Variants in CLCN7 observed in about 807,000 individuals in gnomAD.
The protein encoded by CLCN7 is Cl-/H+ antiporter 7, also known as H(+)/Cl(-) exchange transporter 7.
CLCN7 carries 60 observed loss-of-function variants against 102.1 expected under a neutral mutation model. The ratio of observed to expected loss-of-function variants is 0.59; its 90% CI spans 0.48 to 0.73. The LOEUF is 0.73. Ranked by LOEUF, CLCN7 falls within the 30% of genes least tolerant of loss-of-function variation. The pLI is 0.00. For missense variants in CLCN7, 962 were observed against 1,125.7 expected, an observed-to-expected ratio of 0.85 and a Z score of 2.08; for synonymous variants, 560 against 490.5, an observed-to-expected ratio of 1.14 and a Z score of -1.87.
At chr16:1,447,222 C>A in intron 23 of CLCN7, 136 bp from the exon 24 acceptor site, 1 of 1,154,382 alleles carries the variant, frequency 8.7e-7, no homozygotes, top group Non-Finnish European at 1.2e-6. Context: ...TGGCCAGCCC[C>A]CTCAGCCCCT....
At chr16:1,474,807 C>T in intron 1 of CLCN7, 27 bp downstream of exon 1, 2 of 1,302,316 alleles carry the variant, frequency 1.5e-6, no homozygotes, top group Non-Finnish European at 2.0e-6. Context: ...GGCTCAGTTT[C>T]CCCGCCTGCG....
chr16:1,450,396 C>G, intron 17 of CLCN7, 101 bp downstream of exon 17: 2 of 1,125,736 alleles, frequency 1.8e-6, no homozygotes, highest in Middle Eastern at 2.9e-4. Flanking sequence ...ACGTGAGGTG[C>G]GACACTTTTG....
intron 5 of CLCN7, 44 bp downstream of exon 5, chr16:1,460,772 C>CACG (rs1207222590): frequency 6.2e-7 from 1 of 1,613,424 alleles, no homozygotes; most frequent in Non-Finnish European, 8.5e-7. Flanking sequence ...CGGCCCAGGC[C>CACG]ACGCCCCCCT....
Position 1,452,869 on chromosome 16 carries a change from C to T in CLCN7, c.1239G>A (p.Gln413=), listed in dbSNP as rs1260741524. 2.5e-6 allele frequency: 4 copies of T among 1,576,418 alleles called. No homozygotes were observed. The highest frequency in any genetic ancestry group is 3.4e-6 in the Non-Finnish European group (4 of 1,161,220). The stretch of plus-strand genomic sequence containing the variant: ...CGGCCACCAGCACGGCCTCAATCAC[C>T]TGCAGGCAGGGCCGGTGGATGTACC... ...RIRYIHRPCL[Q]VIEAVLVAAV... The change falls in exon 15 of 25, where the codon CAG becomes CAA. Residue 413 remains glutamine (Q), a synonymous_variant. Transcript: ENST00000382745.
chr16:1,468,713 G>A (rs2039037649), intron 1 of CLCN7, among the ~76,000 whole-genome samples: 1 of 151,960 alleles, frequency 6.6e-6, no homozygotes. Flanking sequence ...TAGAAAGATG[G>A]GTCTGAAAAT....
intron 1 of CLCN7, 144 bp from the exon 2 acceptor site, chr16:1,465,482 G>A: frequency 5.3e-6 from 4 of 750,894 alleles, no homozygotes; most frequent in South Asian, 4.5e-5. Flanking sequence ...CCTGCTGGGT[G>A]GGGGCAGCAG....
rs2038814440 is a variant in CLCN7, at chr16:1,455,134, C to T, written c.1098G>A (p.Glu366=). The stretch of plus-strand genomic sequence containing the variant: ...CGAGGTGGGCGATGGGGCAGGTTAC[C>T]TCCGAGTCAAACCTTCCGAAGTTGA... ...GLINFGRFDS[E]KMAYTIHEIP... is the part of the protein sequence containing the mutation. The change falls in exon 12 of 25, where the codon GAG becomes GAA. Residue 366 remains glutamate, a splice_region_variant and synonymous_variant. Transcript: ENST00000382745. The T allele has an allele frequency of 1.3e-6, 2 of 1,585,044 alleles. No homozygotes were observed. The highest frequency in any genetic ancestry group is 1.7e-6 in the Non-Finnish European group (2 of 1,153,598).
At chr16:1,448,831 C>A (rs1042555528) in intron 19 of CLCN7, 65 bp from the exon 20 acceptor site, 4 of 1,597,768 alleles carry the variant, frequency 2.5e-6, no homozygotes, top group Non-Finnish European at 3.4e-6. Flanking sequence ...CCCGAGCCTA[C>A]CCCTGGGAGC....
rs1231308424 is a variant in CLCN7, at chr16:1,463,903, T to C, written c.213+1364A>G. On this transcript the variant is annotated intron_variant, in intron 2 of 24. Transcript: ENST00000382745. ...GATCCTCCAACCTCAGCCTCCCAAG[T>C]AGCTGGGACTACTGGTGCCTATCAC... Among the ~76,000 whole-genome samples the C allele has an allele frequency of 2.6e-5, 4 of 152,122 alleles. No individual in the cohort carries two copies. The East Asian group carries it at 5.8e-4, about 22-fold the overall frequency.
intron 2 of CLCN7, among the ~76,000 whole-genome samples, chr16:1,464,756 C>T (rs373424669): frequency 3.5e-4 from 53 of 152,192 alleles, no homozygotes; most frequent in Admixed American, 3.1e-3. Context: ...GATGAGTGAA[C>T]GGCCAGCGGC....
At position 1,450,566 on chromosome 16, in the gene CLCN7, C is replaced by G; in HGVS notation, c.1548G>C (p.Pro516=). The part of the protein sequence containing the change: ...GLTVSAGVFI[P]SLLIGAAWGR... ...CCCAGGCAGCCCCGATGAGCAGGGA[C>G]GGGATGAAGACCCCGGCAGACACCG... Residue 516 remains proline, a synonymous_variant, in exon 17 of 25, where the codon CCG becomes CCC. Coordinates refer to ENST00000382745, the MANE Select transcript of CLCN7 (RefSeq NM_001287.6). The G allele has an allele frequency of 6.2e-7, 1 of 1,612,108 alleles. No individual in the cohort carries two copies. The highest frequency in any genetic ancestry group is 8.5e-7 in the Non-Finnish European group (1 of 1,179,646).
At chr16:1,452,487 T>G (rs1191995519) in intron 15 of CLCN7, 13 of 517,446 alleles carry the variant, frequency 2.5e-5, no homozygotes, top group Non-Finnish European at 3.9e-5. Context: ...CGCCTGAGGC[T>G]CGCCCCGTCA....
chr16:1,449,898 G>A (rs994983030), intron 17 of CLCN7: 16 of 181,836 alleles, frequency 8.8e-5, no homozygotes, highest in Admixed American at 2.1e-4. Context: ...ACCCTTGTGC[G>A]GAGGGAGATG....
In CLCN7 at chr16:1,446,245, G is replaced by A. The variant is rs1210604358; in HGVS notation, c.*386C>T. Reference sequence around the variant, plus strand: ...CCTTCCAGGGCAGGGCAGCCCTCGGGGCAGCAGCAGGGGCAAGGGCTCTGT... The same window carrying A: ...CCTTCCAGGGCAGGGCAGCCCTCGGAGCAGCAGCAGGGGCAAGGGCTCTGT... On this transcript the variant is annotated 3_prime_UTR_variant, in exon 25 of 25. Transcript: ENST00000382745. 6.0e-6 allele frequency: 4 copies of A among 669,794 alleles called. No homozygotes were observed. The highest frequency in any genetic ancestry group is 4.9e-5 in the South Asian group (3 of 61,626). The allele number at this position is 669,794 out of a possible 1,614,324, so 41.5% of individuals were successfully genotyped here.
At chr16:1,460,184 G>C (rs1423913773) in intron 6 of CLCN7, among the ~76,000 whole-genome samples, 2 of 151,958 alleles carry the variant, frequency 1.3e-5, no homozygotes, top group East Asian at 3.9e-4. Flanking sequence ...GGGTGAGGGT[G>C]CCCAGGCCTG....
At position 1,446,985 on chromosome 16, in the gene CLCN7, ACCC is replaced by A; in HGVS notation, c.2331+18_2331+20del. ...GGGGAGCCCTGCACGGCATGCCTGC[ACCC>A]CCACCGCCCCCGCTCACCTGATTGC... On this transcript the variant is annotated intron_variant, in intron 24 of 24. Transcript: ENST00000382745. The A allele has an allele frequency of 6.4e-7, 1 of 1,560,630 alleles. No homozygotes were observed. The highest frequency in any genetic ancestry group is 8.6e-7 in the Non-Finnish European group (1 of 1,156,166).
In CLCN7 at chr16:1,457,196, G is replaced by A; in HGVS notation, c.822+58C>T. 6.8e-7 allele frequency: 1 copy of A among 1,467,478 alleles called. No homozygotes were observed. Among genetic ancestry groups the A allele is most frequent in the Non-Finnish European group, 9.6e-7 (1 of 1,046,842 alleles). 90.9% of individuals were successfully genotyped at this position (1,467,478 alleles called of 1,614,324 possible). ...CTGAGGGAAGCCCATCTCCCTGAGT[G>A]GTGCCCGTGCCCGTGCCCATGGCAT... On this transcript the variant is annotated intron_variant, in intron 9 of 24. Coordinates refer to ENST00000382745, the MANE Select transcript of CLCN7 (RefSeq NM_001287.6). This position sits in a 1 kb window ranked among gnomAD's most constrained non-coding sequence, Gnocchi z 5.4.
At chr16:1,472,318 C>T (rs1031319165) in intron 1 of CLCN7, among the ~76,000 whole-genome samples, 1 of 152,116 alleles carries the variant, frequency 6.6e-6, no homozygotes, top group African/African-American at 2.4e-5. Context: ...GCAACCTCTG[C>T]CTCCTGGGTT....
chr16:1,474,141 G>C (rs34635418), intron 1 of CLCN7: 3 of 455,854 alleles, frequency 6.6e-6, no homozygotes, highest in Admixed American at 2.4e-5. Flanking sequence ...TACCCGCAAC[G>C]GTTCTCCAGA....
Sources: gnomAD v4.1 joint callset for allele counts (sites outside exome capture counted in the v4.1 genomes callset) on GRCh38, gnomAD v4.1.1 for gene constraint, Gnocchi (gnomAD v3.1) non-coding constraint, MANE v1.5 for transcripts, NCBI Gene and HGNC (gene_info 2026-07-23, HGNC 2026-07-21) for gene names.